YPEL2: variants seen among roughly 807,000 people sequenced by gnomAD.
YPEL2 encodes yippee like 2, also known as protein yippee-like 2.
YPEL2 carries 2 observed loss-of-function variants against 19.1 expected under a neutral mutation model. The observed-to-expected ratio is 0.10, with a 90% CI of 0.04 to 0.33. The LOEUF (loss-of-function observed/expected upper bound fraction) is 0.33. Among genes scored for constraint, YPEL2 ranks in the 10% least tolerant of loss-of-function variants. The pLI is 1.00. For missense variants in YPEL2, 66 were observed against 140.7 expected, an observed-to-expected ratio of 0.47 and a Z score of 2.68; for synonymous variants, 52 against 50.0, an observed-to-expected ratio of 1.04 and a Z score of -0.17.
intron 2 of YPEL2, among the ~76,000 whole-genome samples, chr17:59,371,222 A>G (rs2047895618): frequency 6.6e-6 from 1 of 152,188 alleles, no homozygotes; most frequent in Admixed American, 6.6e-5. Context: ...GGCTGCTTGC[A>G]GACAGATAAG....
chr17:59,396,979 G>A (rs1598057410), intron 4 of YPEL2, 122 bp from the exon 5 acceptor site: 1 of 611,326 alleles, frequency 1.6e-6, no homozygotes, highest in East Asian at 3.5e-5. Flanking sequence ...TGCAGTGAGT[G>A]GAGATTGCGT....
At chr17:59,377,626 T>C (rs899093971) in intron 2 of YPEL2, among the ~76,000 whole-genome samples, 10 of 152,246 alleles carry the variant, frequency 6.6e-5, no homozygotes, top group African/African-American at 2.4e-4. Flanking sequence ...ATGTTTACCT[T>C]GGCATCTGCT....
At chr17:59,385,195 T>G (rs770714255) in intron 2 of YPEL2, among the ~76,000 whole-genome samples, 5 of 152,216 alleles carry the variant, frequency 3.3e-5, no homozygotes, top group South Asian at 4.1e-4. Context: ...TCAACATGAA[T>G]GAATCCTAAA....
At chr17:59,376,037 A>G (rs979381871) in intron 2 of YPEL2, among the ~76,000 whole-genome samples, 3 of 152,202 alleles carry the variant, frequency 2.0e-5, no homozygotes, top group Non-Finnish European at 2.9e-5. Context: ...ATCAGTTCAC[A>G]TGTGAAAGTG....
chr17:59,353,341 C>T lies in YPEL2; in HGVS notation c.-69C>T. The T allele has an allele frequency of 8.4e-7, 1 of 1,184,078 alleles. No individual in the cohort carries two copies. 73.3% of individuals were successfully genotyped at this position (1,184,078 alleles called of 1,614,324 possible). On this transcript the variant is annotated 5_prime_UTR_variant, in exon 2 of 5. Coordinates refer to ENST00000312655, the MANE Select transcript of YPEL2 (RefSeq NM_001005404.4). This position sits in a 1 kb window ranked among gnomAD's most constrained non-coding sequence, Gnocchi z 4.8. ...CTTTACCTGTGTCTTCCGGTGTTTC[C>T]CGTGCGACCCATCCTGTGGGAGTGC...
At chr17:59,382,253 G>C (rs1351775772) in intron 2 of YPEL2, among the ~76,000 whole-genome samples, 2 of 152,232 alleles carry the variant, frequency 1.3e-5, no homozygotes, top group Non-Finnish European at 2.9e-5. Flanking sequence ...AGGGGGTTCA[G>C]TACCCTTTGT....
At chr17:59,356,599 C>G (rs2047814134) in intron 2 of YPEL2, among the ~76,000 whole-genome samples, 1 of 152,232 alleles carries the variant, frequency 6.6e-6, no homozygotes, top group Admixed American at 6.5e-5. Context: ...GTTTCTCACT[C>G]ATACAATGGG....
Position 59,353,321 on chromosome 17 carries a change from C to A in YPEL2, c.-89C>A. On this transcript the variant is annotated 5_prime_UTR_variant, in exon 2 of 5. Transcript: ENST00000312655. This position sits in a 1 kb window ranked among gnomAD's most constrained non-coding sequence, Gnocchi z 4.8. ...ACCCGCTGCCAAACCACGGCCTTTA[C>A]CTGTGTCTTCCGGTGTTTCCCGTGC... 1 of 959,264 alleles carries A rather than the reference C, an allele frequency of 1.0e-6. No homozygotes were observed. The highest frequency in any genetic ancestry group is 1.6e-6 in the Non-Finnish European group (1 of 627,772). 59.4% of individuals were successfully genotyped at this position (959,264 alleles called of 1,614,324 possible).
intron 2 of YPEL2, among the ~76,000 whole-genome samples, chr17:59,377,732 C>T (rs1426004186): frequency 6.6e-6 from 1 of 152,176 alleles, no homozygotes; most frequent in Admixed American, 6.5e-5. Context: ...GCTCTTAGGA[C>T]AGTTGGAAGA....
intron 1 of YPEL2, among the ~76,000 whole-genome samples, chr17:59,340,648 C>A (rs2047724468): frequency 6.6e-6 from 1 of 151,810 alleles, no homozygotes; most frequent in Non-Finnish European, 1.5e-5. Flanking sequence ...AACTCCTGAC[C>A]TTGTGATCCG....
rs547800656 is a variant in YPEL2, at chr17:59,348,105, G to C, written c.-195-5110G>C. 3.3e-5 allele frequency among the ~76,000 whole-genome samples: 5 copies of C among 152,322 alleles called. No homozygotes were observed. In the South Asian group the frequency reaches 1.0e-3, roughly 32 times the overall value. On this transcript the variant is annotated intron_variant, in intron 1 of 4. Coordinates refer to ENST00000312655, the MANE Select transcript of YPEL2 (RefSeq NM_001005404.4). ...TTAGAGATAGGGAAGCTGAGGGTCAGAGTGGTTTCGTAACTTGCCAGAAGT... is the reference window on the plus strand; with the variant it reads ...TTAGAGATAGGGAAGCTGAGGGTCACAGTGGTTTCGTAACTTGCCAGAAGT...
At chr17:59,367,275 A>G (rs2047874983) in intron 2 of YPEL2, among the ~76,000 whole-genome samples, 1 of 152,234 alleles carries the variant, frequency 6.6e-6, no homozygotes, top group Admixed American at 6.5e-5. Flanking sequence ...GGCTAAAAAA[A>G]GAAATGACTT....
chr17:59,357,246 T>C (rs1370812779), intron 2 of YPEL2, among the ~76,000 whole-genome samples: 1 of 152,208 alleles, frequency 6.6e-6, no homozygotes, highest in Non-Finnish European at 1.5e-5. Flanking sequence ...TGGAGGGGAT[T>C]ATTCCTGCCT....
At chr17:59,367,236 C>T (rs114427609) in intron 2 of YPEL2, among the ~76,000 whole-genome samples, 1 of 152,296 alleles carries the variant, frequency 6.6e-6, no homozygotes, top group African/African-American at 2.4e-5. Flanking sequence ...CAGGCAAAAT[C>T]TCCTCCTGGA....
rs564621290 is a variant in YPEL2, at chr17:59,371,967, T to C, written c.118-16360T>C. Among the ~76,000 whole-genome samples the C allele has an allele frequency of 1.4e-4, 21 of 152,360 alleles. No individual in the cohort carries two copies. The South Asian group carries it at 2.9e-3, about 21-fold the overall frequency. On this transcript the variant is annotated intron_variant, in intron 2 of 4. Coordinates refer to ENST00000312655, the MANE Select transcript of YPEL2 (RefSeq NM_001005404.4). The stretch of plus-strand genomic sequence containing the variant: ...GAATTCCCACCTCCTCCTCTCTTCC[T>C]GTCACTTGTAACCAAGTATCTGAAA...
chr17:59,346,264 C>T (rs745705794), intron 1 of YPEL2, among the ~76,000 whole-genome samples: 3 of 152,254 alleles, frequency 2.0e-5, no homozygotes, highest in Non-Finnish European at 4.4e-5. Context: ...TACTTAGTCA[C>T]GTTCCTACCC....
chr17:59,367,261 C>A lies in YPEL2; in HGVS notation c.117+13735C>A, dbSNP rs185359900. ...CTCCTCCTGGATCCCAGGCCTGTAA[C>A]CAGGGCTAAAAAAAGAAATGACTTC... is the stretch of plus-strand genomic sequence containing the variant. On this transcript the variant is annotated intron_variant, in intron 2 of 4. Coordinates refer to ENST00000312655, the MANE Select transcript of YPEL2 (RefSeq NM_001005404.4). Among the ~76,000 whole-genome samples, 4 of 152,242 alleles carry A rather than the reference C, an allele frequency of 2.6e-5. No homozygotes were observed. In the East Asian group the frequency reaches 7.7e-4, roughly 29 times the overall value.
At chr17:59,366,156 A>C (rs1289528666) in intron 2 of YPEL2, 1 of 134,286 alleles carries the variant, frequency 7.4e-6, no homozygotes, top group African/African-American at 2.8e-5. Context: ...GGAAACAGAA[A>C]AGTGTTTCCT....
intron 1 of YPEL2, among the ~76,000 whole-genome samples, chr17:59,350,171 A>G (rs564260577): frequency 2.3e-4 from 34 of 150,486 alleles, no homozygotes; most frequent in Admixed American, 1.3e-3. Flanking sequence ...CCTGGGCTCA[A>G]GTAATCCTCT....
Sources: allele counts gnomAD v4.1 joint callset (sites outside exome capture counted in the v4.1 genomes callset), GRCh38; gene constraint gnomAD v4.1.1; non-coding constraint Gnocchi (gnomAD v3.1); transcripts MANE v1.5; gene names NCBI Gene and HGNC (gene_info 2026-07-23, HGNC 2026-07-21).